The following GALNT7 variants were observed in gnomAD, a reference collection of about 807,000 sequenced individuals.
GALNT7 encodes the protein polypeptide N-acetylgalactosaminyltransferase 7.
GALNT7 carries 60 observed loss-of-function variants against 82.1 expected under a neutral mutation model. The ratio of observed to expected loss-of-function variants is 0.73; its 90% CI spans 0.59 to 0.91. The LOEUF (loss-of-function observed/expected upper bound fraction) is 0.91. GALNT7 is among the 40% of genes least tolerant of loss of function. GALNT7 has a pLI of 0.00. For synonymous variants in GALNT7, 243 were observed against 275.1 expected, an observed-to-expected ratio of 0.88 and a Z score of 1.15; for missense variants, 660 against 804.2, an observed-to-expected ratio of 0.82 and a Z score of 2.17.
intron 1 of GALNT7, among the ~76,000 whole-genome samples, chr4:173,188,951 C>T (rs1732537915): frequency 6.6e-6 from 1 of 152,206 alleles, no homozygotes; most frequent in Non-Finnish European, 1.5e-5. Flanking sequence ...TGCTGAGTAG[C>T]CCCTGGCCTT....
chr4:173,304,796 T>C (rs1049912129), intron 8 of GALNT7, among the ~76,000 whole-genome samples: 1 of 151,926 alleles, frequency 6.6e-6, no homozygotes, highest in Non-Finnish European at 1.5e-5. Context: ...TTTCTGTGCC[T>C]GGCTTATTTC....
In GALNT7 at chr4:173,295,788, T is replaced by C; in HGVS notation, c.910T>C (p.Cys304Arg). The C allele has an allele frequency of 1.2e-6, 2 of 1,609,402 alleles. No individual in the cohort carries two copies. The highest frequency in any genetic ancestry group is 1.7e-6 in the Non-Finnish European group (2 of 1,175,726). ...GGTTTTGATATACCTTGATGCCCAC[T>C]GTGAGGTGGCAGTTAACTGGTATGC... ...GQVLIYLDAH[C>R]EVAVNWYAPL... Residue 304 changes from cysteine to arginine, a missense_variant, in exon 5 of 12, where the codon TGT (cysteine) becomes CGT (arginine). Physicochemically the swap from Cys to Arg is radical, Grantham distance 180. Around this residue, in one of 2 missense-constraint regions of GALNT7, gnomAD observed 527 missense variants for 683.5 expected, o/e 0.77. Transcript: ENST00000265000.
chr4:173,293,732 C>T (rs1259282098), intron 3 of GALNT7, among the ~76,000 whole-genome samples: 1 of 152,126 alleles, frequency 6.6e-6, no homozygotes, highest in Non-Finnish European at 1.5e-5. Context: ...GTGGCTCGCA[C>T]AACAAAGGGT....
chr4:173,236,198 C>G (rs1489567290), intron 1 of GALNT7, among the ~76,000 whole-genome samples: 3 of 152,150 alleles, frequency 2.0e-5, no homozygotes, highest in Non-Finnish European at 4.4e-5. Flanking sequence ...AGAGGCCTTT[C>G]TAGTTCCATG....
chr4:173,237,363 A>G (rs1655068897), intron 1 of GALNT7, among the ~76,000 whole-genome samples: 1 of 152,180 alleles, frequency 6.6e-6, no homozygotes, highest in Admixed American at 6.5e-5. Flanking sequence ...ATGCATTTCC[A>G]GCTGCACAAA....
At chr4:173,185,343 G>A (rs1270877952) in intron 1 of GALNT7, among the ~76,000 whole-genome samples, 1 of 151,808 alleles carries the variant, frequency 6.6e-6, no homozygotes, top group Non-Finnish European at 1.5e-5. Context: ...GGTGGCATGT[G>A]GAATCTTGAA....
In GALNT7 at chr4:173,180,974, C is replaced by A. The variant is rs1381627993; in HGVS notation, c.126+12013C>A. On this transcript the variant is annotated intron_variant, in intron 1 of 11. Coordinates refer to ENST00000265000, the MANE Select transcript of GALNT7 (RefSeq NM_017423.3). ...CGTTTGAAAGGAAGTGTTTAAACAC[C>A]CCTGTTCAAAAATCTGCTAGTTCTT... Among the ~76,000 whole-genome samples, 3 of 152,094 alleles carry A rather than the reference C, an allele frequency of 2.0e-5. No individual in the cohort carries two copies. In the East Asian group the frequency reaches 5.8e-4, roughly 29 times the overall value.
At chr4:173,253,780 G>A (rs1734931354) in intron 2 of GALNT7, among the ~76,000 whole-genome samples, 1 of 152,176 alleles carries the variant, frequency 6.6e-6, no homozygotes, top group Non-Finnish European at 1.5e-5. Flanking sequence ...CTGCTGCCCG[G>A]TTTAGATGAA....
intron 3 of GALNT7, among the ~76,000 whole-genome samples, chr4:173,295,188 C>T (rs1324384279): frequency 6.6e-6 from 1 of 152,182 alleles, no homozygotes; most frequent in Non-Finnish European, 1.5e-5. Context: ...TTTGATAATT[C>T]TCAGACTAAC....
At chr4:173,202,584 T>A (rs938778860) in intron 1 of GALNT7, among the ~76,000 whole-genome samples, 1 of 152,212 alleles carries the variant, frequency 6.6e-6, no homozygotes, top group Admixed American at 6.5e-5. Flanking sequence ...AAATCCTGCC[T>A]CCTCCAGGAA....
rs765261051 is a variant in GALNT7, at chr4:173,303,992, A to G, written c.1267-4A>G. 1.2e-6 allele frequency: 2 copies of G among 1,601,916 alleles called. No individual in the cohort carries two copies. Among genetic ancestry groups the G allele is most frequent in the South Asian group, 1.1e-5 (1 of 88,586 alleles). On this transcript the variant is annotated splice_polypyrimidine_tract_variant and splice_region_variant and intron_variant, in intron 7 of 11. Coordinates refer to ENST00000265000, the MANE Select transcript of GALNT7 (RefSeq NM_017423.3). Reference sequence around the variant, plus strand: ...AACTTTCACAACGTGTTTTTCCTTCATAGATATGGCAGTGTGGTGGCAAAT... The same window carrying G: ...AACTTTCACAACGTGTTTTTCCTTCGTAGATATGGCAGTGTGGTGGCAAAT...
intron 2 of GALNT7, among the ~76,000 whole-genome samples, chr4:173,271,593 A>G (rs527536316): frequency 6.6e-6 from 1 of 152,112 alleles, no homozygotes; most frequent in Admixed American, 6.6e-5. Context: ...AGTAGGTGGG[A>G]TTTCAGGTGT....
chr4:173,171,266 A>T (rs1731861396), intron 1 of GALNT7, among the ~76,000 whole-genome samples: 1 of 152,166 alleles, frequency 6.6e-6, no homozygotes, highest in South Asian at 2.1e-4. Context: ...TGTAGGGAGG[A>T]TTCTGACTCC....
At chr4:173,256,463 C>T (rs544141173) in intron 2 of GALNT7, among the ~76,000 whole-genome samples, 14 of 152,146 alleles carry the variant, frequency 9.2e-5, no homozygotes, top group African/African-American at 2.6e-4. Flanking sequence ...TTCTTTAGGG[C>T]TCTGGTCCCA....
chr4:173,172,901 A>T (rs1431723977), intron 1 of GALNT7, among the ~76,000 whole-genome samples: 1 of 152,146 alleles, frequency 6.6e-6, no homozygotes. Context: ...CCGTTGAAAG[A>T]TTTTAAGTAG....
intron 1 of GALNT7, among the ~76,000 whole-genome samples, chr4:173,224,865 A>G (rs1255369748): frequency 6.6e-6 from 1 of 151,684 alleles, no homozygotes; most frequent in Non-Finnish European, 1.5e-5. Flanking sequence ...TAAAAAAAAA[A>G]TTAGCCAGGC....
chr4:173,212,819 C>T (rs148819872), intron 1 of GALNT7, among the ~76,000 whole-genome samples: 80 of 152,214 alleles, frequency 5.3e-4, no homozygotes, highest in African/African-American at 1.5e-3. Context: ...GTGTTTCCTT[C>T]CGTGTGTCTA....
chr4:173,317,749 T>G lies in GALNT7; in HGVS notation c.1707+17T>G. On this transcript the variant is annotated intron_variant, in intron 10 of 11. Coordinates refer to ENST00000265000, the MANE Select transcript of GALNT7 (RefSeq NM_017423.3). ...GGGAATCAGGTAAACCACCTTACTT[T>G]TGTGTTTAAGTTGTTCCGTATTGAG... 1.3e-6 allele frequency: 2 copies of G among 1,508,958 alleles called. No individual in the cohort carries two copies. The highest frequency in any genetic ancestry group is 1.8e-6 in the Non-Finnish European group (2 of 1,084,474). The allele number at this position is 1,508,958 out of a possible 1,614,324, so 93.5% of individuals were successfully genotyped here.
intron 1 of GALNT7, among the ~76,000 whole-genome samples, chr4:173,185,253 AC>A (rs1732428972): frequency 6.6e-6 from 1 of 152,218 alleles, no homozygotes; most frequent in African/African-American, 2.4e-5. Context: ...ACTCAGGTTC[AC>A]TGAATTCTCT....
Sources: gnomAD v4.1 joint callset for allele counts (sites outside exome capture counted in the v4.1 genomes callset) on GRCh38, gnomAD v4.1.1 for gene constraint, gnomAD v4.1.1 regional missense constraint, MANE v1.5 for transcripts, NCBI Gene and HGNC (gene_info 2026-07-23, HGNC 2026-07-21) for gene names.